The following AGMO variants were observed in gnomAD, a reference collection of about 807,000 sequenced individuals.
The protein encoded by AGMO is glyceryl-ether monooxygenase.
In AGMO, 75 loss-of-function variants were observed where a neutral mutation model predicts 60.2. The ratio of observed to expected loss-of-function variants is 1.25; its 90% CI spans 1.03 to 1.51. The LOEUF (loss-of-function observed/expected upper bound fraction) is 1.51, where lower values mean the gene tolerates loss of function less well. Among genes scored for constraint, AGMO ranks in the 40% most tolerant of loss-of-function variants. AGMO has a pLI of 0.00. For synonymous variants in AGMO, 261 were observed against 177.1 expected, an observed-to-expected ratio of 1.47 and a Z score of -3.76; for missense variants, 763 against 525.5, an observed-to-expected ratio of 1.45 and a Z score of -4.42.
chr7:15,224,074 G>T (rs1234368400), intron 12 of AGMO, among the ~76,000 whole-genome samples: 3 of 151,926 alleles, frequency 2.0e-5, no homozygotes, highest in African/African-American at 7.3e-5. Flanking sequence ...AATAAAGAGA[G>T]ATCTAAATTA....
At chr7:15,498,459 C>T (rs1783294360) in intron 3 of AGMO, among the ~76,000 whole-genome samples, 1 of 151,868 alleles carries the variant, frequency 6.6e-6, no homozygotes, top group Admixed American at 6.6e-5. Context: ...ATGACTTTTC[C>T]ATGCTAACGT....
In AGMO at chr7:15,467,464, A is replaced by G. The variant is rs560295784; in HGVS notation, c.410-36356T>C. ...TTTTGATATGGGTGTTCCCTAATTAACCTTGTTTCAACTGAAGACATTGTA... is the reference window on the plus strand; with the variant it reads ...TTTTGATATGGGTGTTCCCTAATTAGCCTTGTTTCAACTGAAGACATTGTA... On this transcript the variant is annotated intron_variant, in intron 3 of 12. Transcript: ENST00000342526. 4.6e-5 allele frequency among the ~76,000 whole-genome samples: 7 copies of G among 152,324 alleles called. No homozygotes were observed. The East Asian group carries it at 1.4e-3, about 29-fold the overall frequency.
intron 12 of AGMO, among the ~76,000 whole-genome samples, chr7:15,355,941 C>T (rs144739865): frequency 1.8e-3 from 272 of 150,726 alleles, no homozygotes; most frequent in Non-Finnish European, 3.1e-3. Context: ...ACAAAAAAAT[C>T]ACAGAAAAGG....
intron 12 of AGMO, among the ~76,000 whole-genome samples, chr7:15,288,149 G>A (rs1234270140): frequency 1.3e-5 from 2 of 151,862 alleles, no homozygotes; most frequent in African/African-American, 4.8e-5. Context: ...TTGGCCTCCT[G>A]AGTAGCTAGG....
chr7:15,491,424 A>G (rs1783062350), intron 3 of AGMO, among the ~76,000 whole-genome samples: 1 of 152,136 alleles, frequency 6.6e-6, no homozygotes, highest in African/African-American at 2.4e-5. Context: ...ATTAGTTGAG[A>G]TTGGAAATAA....
At chr7:15,293,443 G>C (rs1358332048) in intron 12 of AGMO, among the ~76,000 whole-genome samples, 1 of 152,060 alleles carries the variant, frequency 6.6e-6, no homozygotes. Flanking sequence ...AGTGAGAGAA[G>C]GATTTATTTG....
At chr7:15,130,568 C>T in the AGMO span, among the ~76,000 whole-genome samples, 94 of 151,980 alleles carry the variant, frequency 6.2e-4, no homozygotes, top group African/African-American at 2.0e-3. Context: ...GCAAAGAATA[C>T]TACAGCACAA....
At chr7:15,205,178 C>T (rs1207135519) in intron 12 of AGMO, among the ~76,000 whole-genome samples, 1 of 152,240 alleles carries the variant, frequency 6.6e-6, no homozygotes, top group Non-Finnish European at 1.5e-5. Flanking sequence ...GGTTTTAATA[C>T]ACTTACTATA....
At chr7:15,319,356 G>A (rs1490324167) in intron 12 of AGMO, among the ~76,000 whole-genome samples, 1 of 152,142 alleles carries the variant, frequency 6.6e-6, no homozygotes, top group Non-Finnish European at 1.5e-5. Flanking sequence ...TCAACTGAAA[G>A]AGGCTAGAAT....
rs572360050 is a variant in AGMO, at chr7:15,337,034, A to G, written c.1263+28480T>C. ...CGTATGTAACTGTGTATATCACAAT[A>G]TCATCATATGCCATCAAATTTTCTT... is the stretch of plus-strand genomic sequence containing the variant. On this transcript the variant is annotated intron_variant, in intron 12 of 12. Transcript: ENST00000342526. Among the ~76,000 whole-genome samples, 8 of 152,348 alleles carry G rather than the reference A, an allele frequency of 5.3e-5. No homozygotes were observed. The South Asian group carries it at 1.2e-3, about 24-fold the overall frequency.
chr7:15,361,081 T>A (rs1028757518), intron 12 of AGMO, among the ~76,000 whole-genome samples: 5 of 152,180 alleles, frequency 3.3e-5, no homozygotes, highest in African/African-American at 9.7e-5. Flanking sequence ...TGATGCCTTA[T>A]ATGAATAGGA....
chr7:15,497,842 CT>C (rs1470352433), intron 3 of AGMO, among the ~76,000 whole-genome samples: 1 of 151,906 alleles, frequency 6.6e-6, no homozygotes, highest in Non-Finnish European at 1.5e-5. Context: ...GTTGGATAAG[CT>C]GAATTTGAAG....
At chr7:15,430,309 ACT>A (rs932973754) in intron 4 of AGMO, among the ~76,000 whole-genome samples, 4 of 151,866 alleles carry the variant, frequency 2.6e-5, no homozygotes, top group Non-Finnish European at 5.9e-5. Flanking sequence ...CGCATCAGTT[ACT>A]CTGACTTTCT....
At chr7:15,391,302 G>C (rs1393311136) in intron 6 of AGMO, among the ~76,000 whole-genome samples, 2 of 151,866 alleles carry the variant, frequency 1.3e-5, no homozygotes, top group African/African-American at 2.4e-5. Context: ...ATTTTTGATG[G>C]GATGTCTATC....
chr7:15,202,175 T>C (rs1781307931), intron 12 of AGMO, among the ~76,000 whole-genome samples: 1 of 152,050 alleles, frequency 6.6e-6, no homozygotes, highest in South Asian at 2.1e-4. Context: ...ATATTTTTCA[T>C]GTATGTGTAT....
intron 12 of AGMO, among the ~76,000 whole-genome samples, chr7:15,301,560 C>A (rs549828897): frequency 3.2e-4 from 49 of 151,872 alleles, no homozygotes; most frequent in African/African-American, 1.2e-3. Flanking sequence ...TTTCTAAAAC[C>A]AATACAATAA....
chr7:15,299,326 T>C (rs755907891), intron 12 of AGMO, among the ~76,000 whole-genome samples: 1 of 152,122 alleles, frequency 6.6e-6, no homozygotes, highest in Admixed American at 6.6e-5. Flanking sequence ...ACCTGTGCTG[T>C]TTATACTTAT....
rs1784097486 is a variant in AGMO, at chr7:15,390,601, G to A, written c.822+70C>T. On this transcript the variant is annotated intron_variant, in intron 8 of 12. Coordinates refer to ENST00000342526, the MANE Select transcript of AGMO (RefSeq NM_001004320.2). ...AATATACTTTCACTTTTCTACAGCTGATTTTTCTCTTAACTATAAGATTTA... is the reference window on the plus strand; with the variant it reads ...AATATACTTTCACTTTTCTACAGCTAATTTTTCTCTTAACTATAAGATTTA... 4.0e-6 allele frequency: 5 copies of A among 1,256,526 alleles called. No homozygotes were observed. The South Asian group carries it at 6.1e-5, about 15-fold the overall frequency. 77.8% of individuals were successfully genotyped at this position (1,256,526 alleles called of 1,614,324 possible).
intron 5 of AGMO, among the ~76,000 whole-genome samples, chr7:15,415,264 T>A (rs1274945749): frequency 6.6e-6 from 1 of 151,732 alleles, no homozygotes; most frequent in African/African-American, 2.4e-5. Context: ...GCCCGGCTAA[T>A]TTTTTTGAAC....
Sources: allele counts gnomAD v4.1 joint callset (sites outside exome capture counted in the v4.1 genomes callset), GRCh38; gene constraint gnomAD v4.1.1; transcripts MANE v1.5; gene names NCBI Gene and HGNC (gene_info 2026-07-23, HGNC 2026-07-21).